The following ACAN variants were observed in gnomAD, a reference collection of about 807,000 sequenced individuals.
The protein encoded by ACAN is aggrecan, also known as aggrecan core protein.
Under a neutral mutation model 169.1 loss-of-function variants are expected in ACAN, and 47 were observed. The observed-to-expected ratio is 0.28, with a 90% CI of 0.22 to 0.35. The LOEUF is 0.35. Ranked by LOEUF, ACAN falls within the 10% of genes least tolerant of loss-of-function variation. The pLI is 1.00. For missense variants in ACAN, 2,716 were observed against 2,759.9 expected (o/e 0.98, Z 0.36); for synonymous variants, 1,115 against 1,112.2 (o/e 1.00, Z -0.05).
Position 88,845,672 on chromosome 15 carries a change from G to T in ACAN, c.1219G>T (p.Val407Phe), listed in dbSNP as rs543647411. ...CCTTACCGTAAAGCCCATCTTCGAG[G>T]TCTCCCCCAGTCCCCTGGAACCCGA... ...VILTVKPIFE[V>F]SPSPLEPEEP... Residue 407 changes from valine to phenylalanine, a missense_variant, in exon 7 of 19, where the codon GTC (valine) becomes TTC (phenylalanine). By Grantham distance (50) the Val-to-Phe change is conservative (BLOSUM62 -1). This residue lies in a region of ACAN where 1,283 missense variants were observed against 1,281.5 expected (regional missense o/e 1.00). Transcript: ENST00000560601. 1 of 1,614,052 alleles carries T rather than the reference G, an allele frequency of 6.2e-7. No homozygotes were observed. Among genetic ancestry groups the T allele is most frequent in the African/African-American group, 1.3e-5 (1 of 75,076 alleles).
At position 88,871,008 on chromosome 15, in the gene ACAN, C is replaced by G. The variant is rs2141637430; in HGVS notation, c.7061-374C>G. Among the ~76,000 whole-genome samples the G allele has an allele frequency of 6.6e-6, 1 of 152,342 alleles. No homozygotes were observed. The highest frequency in any genetic ancestry group is 1.9e-4 in the East Asian group (1 of 5,188). On this transcript the variant is annotated intron_variant, in intron 14 of 18. Transcript: ENST00000560601. The surrounding 1 kb of genome is among the most constrained non-coding windows in gnomAD (Gnocchi z 7.8). ...CCTCTCTCCCTGGAGCCCCCCAGAG[C>G]CACAGAACCATGTTTTGCCTTAAAT...
At chr15:88,812,488 A>G (rs566850284) in intron 1 of ACAN, among the ~76,000 whole-genome samples, 9 of 152,224 alleles carry the variant, frequency 5.9e-5, no homozygotes, top group Non-Finnish European at 1.3e-4. Flanking sequence ...CAGGCCCCCA[A>G]GCTGGCTGGT....
rs539954453 is a variant in ACAN at position 88,849,829 on chromosome 15, G to A, written c.2026+98G>A. 1 of 1,500,462 alleles carries A rather than the reference G, an allele frequency of 6.7e-7. No individual in the cohort carries two copies. Among genetic ancestry groups the A allele is most frequent in the East Asian group, 2.4e-5 (1 of 40,910 alleles). 92.9% of individuals were successfully genotyped at this position (1,500,462 alleles called of 1,614,324 possible). A position where few individuals can be genotyped will look rare whatever the true frequency, so the allele number is the denominator to read the frequency against. On this transcript the variant is annotated intron_variant, in intron 10 of 18. Coordinates refer to ENST00000560601, the MANE Select transcript of ACAN (RefSeq NM_001369268.1). The surrounding 1 kb of genome is among the most constrained non-coding windows in gnomAD (Gnocchi z 5.1). ...CCACCACCCAGTATCCCATCCATCA[G>A]AGCAAGAAAATGTCAGTCCCTCTGG...
chr15:88,834,140 G>A (rs1438110676), intron 1 of ACAN, among the ~76,000 whole-genome samples: 1 of 152,138 alleles, frequency 6.6e-6, no homozygotes, highest in African/African-American at 2.4e-5. Context: ...GCAGCATCTA[G>A]GTAGAAAAAT....
At chr15:88,821,086 C>T (rs1252930408) in intron 1 of ACAN, among the ~76,000 whole-genome samples, 1 of 152,178 alleles carries the variant, frequency 6.6e-6, no homozygotes, top group African/African-American at 2.4e-5. Context: ...TGAGGGTAAT[C>T]ACTCCCATGA....
chr15:88,874,495 G>A lies in ACAN; in HGVS notation c.*14G>A. On this transcript the variant is annotated 3_prime_UTR_variant, in exon 19 of 19. Transcript: ENST00000560601. The surrounding 1 kb of genome is among the most constrained non-coding windows in gnomAD (Gnocchi z 7.3). ...ACAGCCCACTGAGAAGAGCTTCCAG[G>A]ACGCACCCAGGACGCTGAGCCCAGG... The A allele has an allele frequency of 6.3e-7, 1 of 1,589,862 alleles. No individual in the cohort carries two copies. Among genetic ancestry groups the A allele is most frequent in the Non-Finnish European group, 8.6e-7 (1 of 1,168,350 alleles).
intron 1 of ACAN, among the ~76,000 whole-genome samples, chr15:88,815,939 G>T (rs1218761588): frequency 6.6e-6 from 1 of 152,172 alleles, no homozygotes; most frequent in Non-Finnish European, 1.5e-5. Flanking sequence ...CAAGCCATTG[G>T]CAGGGCCATG....
chr15:88,831,818 GT>G (rs1047473363), intron 1 of ACAN, among the ~76,000 whole-genome samples: 7 of 152,192 alleles, frequency 4.6e-5, no homozygotes, highest in Non-Finnish European at 1.0e-4. Flanking sequence ...GCTCCAGGGG[GT>G]AAAGAGAGGT....
At position 88,873,025 on chromosome 15, in the gene ACAN, G is replaced by C; in HGVS notation, c.7447G>C (p.Val2483Leu). 1 of 1,612,402 alleles carries C rather than the reference G, an allele frequency of 6.2e-7. No individual in the cohort carries two copies. Among genetic ancestry groups the C allele is most frequent in the South Asian group, 1.1e-5 (1 of 90,662 alleles). The change falls in exon 17 of 19, where the codon GTG becomes CTG. Residue 2483 changes from valine (V) to leucine (L), a missense_variant and splice_region_variant. Physicochemically the swap from Val to Leu is conservative, Grantham distance 32 (BLOSUM62 1). Transcript: ENST00000560601. This position sits in a 1 kb window ranked among gnomAD's most constrained non-coding sequence, Gnocchi z 7.5. Reference sequence around the variant, plus strand: ...CCCCTTCACGTGTAAAAAGGGCACAGGTAAGCTGGCGCCTGGGAGGGGTCA... The same window carrying C: ...CCCCTTCACGTGTAAAAAGGGCACACGTAAGCTGGCGCCTGGGAGGGGTCA... ...HLPFTCKKGTVACGEPPVVEH... is the reference protein window; with the variant it reads ...HLPFTCKKGTLACGEPPVVEH...
chr15:88,816,116 C>T (rs1895936780), intron 1 of ACAN, among the ~76,000 whole-genome samples: 1 of 152,184 alleles, frequency 6.6e-6, no homozygotes, highest in South Asian at 2.1e-4. Context: ...GACATCTTCC[C>T]CTCCAATAAG....
Position 88,839,336 on chromosome 15 carries a change from A to G in ACAN, c.454+290A>G, listed in dbSNP as rs1896590713. On this transcript the variant is annotated intron_variant, in intron 3 of 18. Coordinates refer to ENST00000560601, the MANE Select transcript of ACAN (RefSeq NM_001369268.1). The surrounding 1 kb of genome is among the most constrained non-coding windows in gnomAD (Gnocchi z 4.5). Reference sequence around the variant, plus strand: ...TTGTGATCGTGCCCATTTTACAGACAAGCAAACTGAGGGCAAGTGACTTGC... The same window carrying G: ...TTGTGATCGTGCCCATTTTACAGACGAGCAAACTGAGGGCAAGTGACTTGC... 6.6e-6 allele frequency among the ~76,000 whole-genome samples: 1 copy of G among 152,178 alleles called. No individual in the cohort carries two copies. The highest frequency in any genetic ancestry group is 6.5e-5 in the Admixed American group (1 of 15,278).
chr15:88,866,286 C>T lies in ACAN; in HGVS notation c.6947-1930C>T, dbSNP rs1263669379. On this transcript the variant is annotated intron_variant, in intron 13 of 18. Coordinates refer to ENST00000560601, the MANE Select transcript of ACAN (RefSeq NM_001369268.1). The surrounding 1 kb of genome is among the most constrained non-coding windows in gnomAD (Gnocchi z 5.6). ...TTCTCCCCAGAGGCCACTCCTGTTC[C>T]CTGCTCTGTACAACTGCTTTAGCAC... 1.3e-5 allele frequency among the ~76,000 whole-genome samples: 2 copies of T among 152,210 alleles called. No individual in the cohort carries two copies.
Position 88,851,803 on chromosome 15 carries a change from C to T in ACAN, c.2036C>T (p.Ala679Val), listed in dbSNP as rs367992413. The change falls in exon 11 of 19, where the codon GCG becomes GTG. Residue 679 changes from alanine to valine, a missense_variant. By Grantham distance (64) the Ala-to-Val change is moderately conservative. This residue lies in a region of ACAN where 1,283 missense variants were observed against 1,281.5 expected (regional missense o/e 1.00). Transcript: ENST00000560601. The surrounding 1 kb of genome is among the most constrained non-coding windows in gnomAD (Gnocchi z 4.3). ...HHAFCFRGIS[A>V]VPSPGEEEGG... ...CCCACATCTCCTTTAGGCATTTCAG[C>T]GGTTCCTTCTCCAGGAGAAGAAGAG... is the stretch of plus-strand genomic sequence containing the variant. The T allele has an allele frequency of 6.1e-5, 97 of 1,593,262 alleles. No homozygotes were observed. The highest frequency in any genetic ancestry group is 7.8e-5 in the Non-Finnish European group (91 of 1,169,792).
In ACAN at chr15:88,872,903, A is replaced by G; in HGVS notation, c.7325A>G (p.Asn2442Ser). 6.2e-7 allele frequency: 1 copy of G among 1,613,682 alleles called. No homozygotes were observed. The highest frequency in any genetic ancestry group is 8.5e-7 in the Non-Finnish European group (1 of 1,179,880). The change falls in exon 17 of 19, where the codon AAC becomes AGC. Residue 2442 changes from asparagine (N) to serine (S), a missense_variant. Asn to Ser is a conservative substitution (Grantham distance 46). This residue lies in a region of ACAN where 1,389 missense variants were observed against 1,363.7 expected (regional missense o/e 1.02). Coordinates refer to ENST00000560601, the MANE Select transcript of ACAN (RefSeq NM_001369268.1). The surrounding 1 kb of genome is among the most constrained non-coding windows in gnomAD (Gnocchi z 5.4). ...CAGCAATTTGAGAACTGGCGCCCCAACCAGCCTGACAACTTTTTTGCCGCT... is the reference window on the plus strand; with the variant it reads ...CAGCAATTTGAGAACTGGCGCCCCAGCCAGCCTGACAACTTTTTTGCCGCT... ...HPMQFENWRP[N>S]QPDNFFAAGE...
chr15:88,818,490 T>A (rs1385463339), intron 1 of ACAN, among the ~76,000 whole-genome samples: 1 of 152,144 alleles, frequency 6.6e-6, no homozygotes, highest in Non-Finnish European at 1.5e-5. Context: ...ATTCCCAGAG[T>A]TGGCCCCAGT....
At position 88,872,917 on chromosome 15, in the gene ACAN, T is replaced by G. The variant is rs1420631612; in HGVS notation, c.7339T>G (p.Phe2447Val). ...ENWRPNQPDN[F>V]FAAGEDCVVM... ...CTGGCGCCCCAACCAGCCTGACAAC[T>G]TTTTTGCCGCTGGAGAGGACTGTGT... The change falls in exon 17 of 19, where the codon TTT (phenylalanine) becomes GTT (valine). Residue 2447 changes from phenylalanine to valine, a missense_variant. Around this residue, in one of 3 missense-constraint regions of ACAN, gnomAD observed 1,389 missense variants for 1,363.7 expected, o/e 1.02. Transcript: ENST00000560601. The surrounding 1 kb of genome is among the most constrained non-coding windows in gnomAD (Gnocchi z 5.4). 6.2e-7 allele frequency: 1 copy of G among 1,613,744 alleles called. No homozygotes were observed. The highest frequency in any genetic ancestry group is 1.1e-5 in the South Asian group (1 of 91,058).
At position 88,817,302 on chromosome 15, in the gene ACAN, C is replaced by T. The variant is rs142798739; in HGVS notation, c.-8+13493C>T. 3.0e-3 allele frequency among the ~76,000 whole-genome samples: 455 copies of T among 152,058 alleles called. 1 individual carries two copies. The highest frequency in any genetic ancestry group is 7.5e-3 in the African/African-American group (312 of 41,484). On this transcript the variant is annotated intron_variant, in intron 1 of 18. Transcript: ENST00000560601. The stretch of plus-strand genomic sequence containing the variant: ...GACTACAGGTGTGTGCCACCACGCC[C>T]GACTAATTTTTTTGTATTTTTAGTA...
intron 2 of ACAN, 31 bp downstream of exon 2, chr15:88,836,307 T>C: frequency 6.3e-7 from 1 of 1,579,496 alleles, no homozygotes; most frequent in Non-Finnish European, 8.7e-7. Flanking sequence ...GTTTCACGTA[T>C]TCAGTAGGCA....
At chr15:88,854,618 T>C (rs925612613) in intron 11 of ACAN, among the ~76,000 whole-genome samples, 2 of 152,176 alleles carry the variant, frequency 1.3e-5, no homozygotes, top group African/African-American at 4.8e-5. Flanking sequence ...CCCTCCTTCC[T>C]TTCTCCCTGT....
Sources: allele counts gnomAD v4.1 joint callset (sites outside exome capture counted in the v4.1 genomes callset), GRCh38; gene constraint gnomAD v4.1.1; regional missense constraint gnomAD v4.1.1; non-coding constraint Gnocchi (gnomAD v3.1); transcripts MANE v1.5; gene names NCBI Gene and HGNC (gene_info 2026-07-23, HGNC 2026-07-21).